The following FAM133B variants were observed in gnomAD, a reference collection of about 807,000 sequenced individuals.
FAM133B encodes family with sequence similarity 133 member B.
Under a neutral mutation model 46.4 loss-of-function variants are expected in FAM133B, and 25 were observed. The observed-to-expected ratio is 0.54, with a 90% CI of 0.39 to 0.75. FAM133B has a LOEUF of 0.75. FAM133B is among the 30% of genes least tolerant of loss of function. FAM133B has a pLI of 0.00. For missense variants in FAM133B, 205 were observed against 277.6 expected, an observed-to-expected ratio of 0.74 and a Z score of 1.86; for synonymous variants, 75 against 86.0, an observed-to-expected ratio of 0.87 and a Z score of 0.71.
chr7:92,567,892 T>C (rs548084370), intron 9 of FAM133B, among the ~76,000 whole-genome samples: 142 of 151,738 alleles, frequency 9.4e-4, no homozygotes, highest in Non-Finnish European at 1.3e-3. Context: ...GCCTCCTGAG[T>C]AGCTGGGATT....
At chr7:92,588,023 T>C (rs780627663) in intron 1 of FAM133B, among the ~76,000 whole-genome samples, 1 of 152,110 alleles carries the variant, frequency 6.6e-6, no homozygotes, top group Non-Finnish European at 1.5e-5. Context: ...ATGTACAGAA[T>C]TGAGTGTCAG....
intron 7 of FAM133B, among the ~76,000 whole-genome samples, chr7:92,576,463 G>A (rs1382804229): frequency 6.6e-6 from 1 of 152,086 alleles, no homozygotes; most frequent in African/African-American, 2.4e-5. Flanking sequence ...GGGGCAGGCA[G>A]CTATCTGTTA....
chr7:92,574,928 T>TA (rs1360337576), intron 8 of FAM133B, among the ~76,000 whole-genome samples: 2 of 144,560 alleles, frequency 1.4e-5, no homozygotes, highest in African/African-American at 5.3e-5. Context: ...AAAAAAAAAA[T>TA]ATGTAAATTC....
chr7:92,565,897 T>C, intron 10 of FAM133B, 117 bp downstream of exon 10: 1 of 1,115,492 alleles, frequency 9.0e-7, no homozygotes. Flanking sequence ...ACACCACACC[T>C]TTCCCAACAA....
intron 8 of FAM133B, 114 bp from the exon 9 acceptor site, chr7:92,570,029 G>T: frequency 2.2e-6 from 1 of 445,188 alleles, no homozygotes; most frequent in Non-Finnish European, 3.9e-6. Context: ...TTTTATTTTA[G>T]AATGTCTAAA....
At chr7:92,578,714 T>C (rs1007157892) in intron 3 of FAM133B, among the ~76,000 whole-genome samples, 4 of 152,216 alleles carry the variant, frequency 2.6e-5, no homozygotes, top group Non-Finnish European at 4.4e-5. Context: ...AATTAATCAT[T>C]ACTGTGATTG....
intron 1 of FAM133B, among the ~76,000 whole-genome samples, chr7:92,588,609 A>G (rs1795100447): frequency 6.6e-6 from 1 of 152,198 alleles, no homozygotes; most frequent in African/African-American, 2.4e-5. Flanking sequence ...AAAGTTTTTA[A>G]GATGGTGAAA....
At chr7:92,563,044 C>T (rs779203952) in intron 10 of FAM133B, among the ~76,000 whole-genome samples, 2 of 152,128 alleles carry the variant, frequency 1.3e-5, no homozygotes, top group Non-Finnish European at 2.9e-5. Context: ...TCTGACTCTC[C>T]TATTTTTGTT....
intron 1 of FAM133B, among the ~76,000 whole-genome samples, chr7:92,583,746 T>C (rs1338005920): frequency 1.3e-5 from 2 of 152,076 alleles, no homozygotes; most frequent in African/African-American, 4.8e-5. Context: ...TTACTATTAT[T>C]ATTTTTTAAA....
chr7:92,567,771 T>A (rs564119038), intron 9 of FAM133B, among the ~76,000 whole-genome samples: 229 of 141,378 alleles, frequency 1.6e-3, no homozygotes, highest in African/African-American at 5.4e-3. Context: ...GAAACTAAAA[T>A]TTTTTTTTTT....
At chr7:92,563,397 C>T (rs1490469616) in intron 10 of FAM133B, among the ~76,000 whole-genome samples, 1 of 152,174 alleles carries the variant, frequency 6.6e-6, no homozygotes, top group African/African-American at 2.4e-5. Context: ...CATAAAAGGA[C>T]AGCTGAGCAC....
chr7:92,576,187 A>C (rs1794690339), intron 7 of FAM133B, among the ~76,000 whole-genome samples: 1 of 152,156 alleles, frequency 6.6e-6, no homozygotes, highest in East Asian at 1.9e-4. Flanking sequence ...GAATCCTTTG[A>C]GTTCTAGCTA....
At chr7:92,584,329 GA>G (rs1794978230) in intron 1 of FAM133B, among the ~76,000 whole-genome samples, 1 of 152,036 alleles carries the variant, frequency 6.6e-6, no homozygotes, top group Non-Finnish European at 1.5e-5. Context: ...TAAGTGAAAG[GA>G]AAAAATATAT....
chr7:92,568,082 A>C (rs1021350659), intron 9 of FAM133B, among the ~76,000 whole-genome samples: 5 of 151,990 alleles, frequency 3.3e-5, no homozygotes, highest in African/African-American at 4.8e-5. Context: ...AATTTTAAAA[A>C]ATAAAATTTT....
At chr7:92,577,634 A>G (rs1272858624) in intron 6 of FAM133B, 21 bp downstream of exon 6, 1 of 1,541,586 alleles carries the variant, frequency 6.5e-7, no homozygotes, top group Non-Finnish European at 8.8e-7. Flanking sequence ...TATTTCATGA[A>G]CCATTATAAG....
intron 9 of FAM133B, among the ~76,000 whole-genome samples, chr7:92,568,215 G>A (rs1443391645): frequency 1.3e-5 from 2 of 152,148 alleles, no homozygotes; most frequent in African/African-American, 4.8e-5. Context: ...ACAAGAGGCT[G>A]AGCCACTGCA....
rs1795170561 is a variant in FAM133B, at chr7:92,590,388, T to G, written c.-97A>C. The stretch of plus-strand genomic sequence containing the variant: ...GCAGGTCCTCTTGCCGCCTCCCCAC[T>G]CCGCCTAGAGAGCGGCACCACGCGG... On this transcript the variant is annotated 5_prime_UTR_variant, in exon 1 of 11. Coordinates refer to ENST00000445716, the MANE Select transcript of FAM133B (RefSeq NM_152789.4). 6.3e-7 allele frequency: 1 copy of G among 1,579,112 alleles called. No individual in the cohort carries two copies. The highest frequency in any genetic ancestry group is 1.1e-5 in the South Asian group (1 of 88,376).
intron 8 of FAM133B, among the ~76,000 whole-genome samples, chr7:92,574,455 G>C (rs75904293): frequency 0.057 from 8,701 of 152,174 alleles, 332 homozygotes; most frequent in Non-Finnish European, 0.083. Context: ...TGTTTTTATG[G>C]GCTGATGAAA....
chr7:92,583,221 C>G lies in FAM133B; in HGVS notation c.25-1618G>C, dbSNP rs146381539. ...TGAAAATATGCTAAATGAAATAAAA[C>G]AAGAAAAACACAAAAGAACAAATAT... On this transcript the variant is annotated intron_variant, in intron 1 of 10. Transcript: ENST00000445716. Among the ~76,000 whole-genome samples the G allele has an allele frequency of 7.3e-3, 1,107 of 152,116 alleles. 8 individuals are homozygous for G. The highest frequency in any genetic ancestry group is 0.025 in the African/African-American group (1,030 of 41,488).
Sources: gnomAD v4.1 joint callset for allele counts (sites outside exome capture counted in the v4.1 genomes callset) on GRCh38, gnomAD v4.1.1 for gene constraint, MANE v1.5 for transcripts, NCBI Gene and HGNC (gene_info 2026-07-23, HGNC 2026-07-21) for gene names.